PLCH1: variants seen among roughly 807,000 people sequenced by gnomAD.
PLCH1 encodes the protein 1-phosphatidylinositol 4,5-bisphosphate phosphodiesterase eta-1.
A neutral mutation model predicts 126.7 loss-of-function variants in PLCH1; 60 were observed. That is an observed-to-expected ratio of 0.47 (90% CI 0.38 to 0.59). The LOEUF (loss-of-function observed/expected upper bound fraction) is 0.59, where lower values mean the gene tolerates loss of function less well. Among genes scored for constraint, PLCH1 ranks in the 20% least tolerant of loss-of-function variants. The probability of loss-of-function intolerance (pLI) is 0.00; values close to 1 mark genes in which losing one functional copy is unlikely to be tolerated. For synonymous variants in PLCH1, 719 were observed against 734.9 expected, an observed-to-expected ratio of 0.98 and a Z score of 0.35; for missense variants, 1,723 against 2,040.0, an observed-to-expected ratio of 0.84 and a Z score of 2.99.
Position 155,602,882 on chromosome 3 carries a change from T to C in PLCH1, c.80-6504A>G, listed in dbSNP as rs145257832. Among the ~76,000 whole-genome samples, 776 of 152,334 alleles carry C rather than the reference T, an allele frequency of 5.1e-3. 8 individuals are homozygous for C. The highest frequency in any genetic ancestry group is 0.018 in the African/African-American group (737 of 41,568). On this transcript the variant is annotated intron_variant, in intron 2 of 22. Coordinates refer to ENST00000460012, the MANE Select transcript of PLCH1 (RefSeq NM_014996.4). ...ATATTTGCATGTTTGTGTATATGTG[T>C]ATGTTTTTATATACCTGCATATATT...
intron 11 of PLCH1, among the ~76,000 whole-genome samples, chr3:155,521,866 G>A (rs147796748): frequency 1.0e-3 from 156 of 152,156 alleles, no homozygotes; most frequent in African/African-American, 3.6e-3. Flanking sequence ...TACAGTTAAG[G>A]TGCTCTACTT....
At chr3:155,585,302 T>C (rs777014166) in intron 5 of PLCH1, among the ~76,000 whole-genome samples, 17 of 152,162 alleles carry the variant, frequency 1.1e-4, no homozygotes, top group African/African-American at 3.9e-4. Flanking sequence ...TGCCCTCCTA[T>C]GCTTATTTTT....
intron 2 of PLCH1, among the ~76,000 whole-genome samples, chr3:155,616,111 C>G (rs567948412): frequency 6.6e-6 from 1 of 152,008 alleles, no homozygotes; most frequent in Non-Finnish European, 1.5e-5. Flanking sequence ...AGAAAGAGTC[C>G]GACATTATCT....
At chr3:155,512,857 G>A (rs895209416) in intron 12 of PLCH1, among the ~76,000 whole-genome samples, 3 of 152,206 alleles carry the variant, frequency 2.0e-5, no homozygotes, top group African/African-American at 7.2e-5. Context: ...TATGGCAGTG[G>A]TGTGAATGAG....
chr3:155,465,813 C>T (rs1712908194), intron 21 of PLCH1, among the ~76,000 whole-genome samples: 1 of 152,054 alleles, frequency 6.6e-6, no homozygotes, highest in Non-Finnish European at 1.5e-5. Context: ...AGAGACCCTT[C>T]GGGCTTAAGG....
intron 14 of PLCH1, among the ~76,000 whole-genome samples, chr3:155,498,095 T>A (rs1717336699): frequency 6.6e-6 from 1 of 152,194 alleles, no homozygotes; most frequent in African/African-American, 2.4e-5. Context: ...TGGACATGAG[T>A]CATCCCTTTG....
At chr3:155,614,260 A>C (rs1016357644) in intron 2 of PLCH1, among the ~76,000 whole-genome samples, 1 of 152,218 alleles carries the variant, frequency 6.6e-6, no homozygotes, top group South Asian at 2.1e-4. Flanking sequence ...GCCCATCAAA[A>C]TACCATCATT....
intron 21 of PLCH1, among the ~76,000 whole-genome samples, chr3:155,465,040 T>C (rs4680183): frequency 0.43 from 62,560 of 146,832 alleles, 17,307 homozygotes; most frequent in African/African-American, 0.8. Flanking sequence ...ACCTGGGAGG[T>C]GGAGCTTGCA....
At chr3:155,617,825 T>C (rs947160819) in intron 2 of PLCH1, among the ~76,000 whole-genome samples, 2 of 152,180 alleles carry the variant, frequency 1.3e-5, no homozygotes, top group Non-Finnish European at 1.5e-5. Flanking sequence ...ACCCAGTCCC[T>C]GTACAGGAGT....
rs2108006072 is a variant in PLCH1 at position 155,481,872 on chromosome 3, T to C, written c.4154A>G (p.Asn1385Ser). 6.2e-7 allele frequency: 1 copy of C among 1,614,120 alleles called. No individual in the cohort carries two copies. The highest frequency in any genetic ancestry group is 8.5e-7 in the Non-Finnish European group (1 of 1,179,994). ...QLASPLKLKY[N>S]QGVVEHFQRG... ...TTGAAAGTGTTCTACCACACCCTGA[T>C]TGTACTTGAGTTTTAAAGGAGAAGC... Residue 1385 changes from asparagine (N) to serine (S), a missense_variant, in exon 23 of 23, where the codon AAT (asparagine) becomes AGT (serine). Asn to Ser is a conservative substitution (Grantham distance 46, BLOSUM62 1). This residue lies in a region of PLCH1 where 947 missense variants were observed against 977.1 expected (regional missense o/e 0.97). Transcript: ENST00000460012. This position sits in a 1 kb window ranked among gnomAD's most constrained non-coding sequence, Gnocchi z 4.2.
At chr3:155,530,501 T>C (rs1270450450) in intron 10 of PLCH1, among the ~76,000 whole-genome samples, 2 of 152,108 alleles carry the variant, frequency 1.3e-5, no homozygotes, top group Non-Finnish European at 2.9e-5. Context: ...GTATTTTTAG[T>C]AGAGACGGGG....
At chr3:155,471,706 A>T (rs1300698863) in intron 21 of PLCH1, among the ~76,000 whole-genome samples, 4 of 150,854 alleles carry the variant, frequency 2.7e-5, no homozygotes, top group Non-Finnish European at 5.9e-5. Flanking sequence ...ATGTAAAAGA[A>T]CAGAAATTAT....
rs1015608169 is a variant in PLCH1, at chr3:155,539,879, G to GA, written c.1362+9907dup. Among the ~76,000 whole-genome samples, 12 of 151,554 alleles carry GA rather than the reference G, an allele frequency of 7.9e-5. No homozygotes were observed. In the East Asian group the frequency reaches 1.4e-3, roughly 17 times the overall value. On this transcript the variant is annotated intron_variant, in intron 10 of 22. Transcript: ENST00000460012. Reference sequence around the variant, plus strand: ...ACCATCATCATTCCTCACAAAACTGGAAAAAAAATCCTAAAATTCATATGG... The same window carrying GA: ...ACCATCATCATTCCTCACAAAACTGGAAAAAAAAATCCTAAAATTCATATGG...
chr3:155,690,013 A>T (rs531538754), intron 2 of PLCH1, among the ~76,000 whole-genome samples: 1 of 152,104 alleles, frequency 6.6e-6, no homozygotes, highest in Non-Finnish European at 1.5e-5. Context: ...GGATGAAGAA[A>T]GGATCCTAAA....
chr3:155,723,788 T>C (rs1748121506), intron 1 of PLCH1, among the ~76,000 whole-genome samples: 1 of 152,004 alleles, frequency 6.6e-6, no homozygotes, highest in Non-Finnish European at 1.5e-5. Flanking sequence ...ACCCTGGCTC[T>C]ACTAAAAACA....
At chr3:155,569,615 T>C (rs1288648580) in intron 6 of PLCH1, among the ~76,000 whole-genome samples, 1 of 152,196 alleles carries the variant, frequency 6.6e-6, no homozygotes, top group Non-Finnish European at 1.5e-5. Flanking sequence ...AGGCAGGCTT[T>C]GAGCAGCTCA....
intron 2 of PLCH1, among the ~76,000 whole-genome samples, chr3:155,691,434 C>T (rs1577326324): frequency 6.6e-6 from 1 of 152,300 alleles, no homozygotes; most frequent in East Asian, 1.9e-4. Context: ...CCTTAAGATC[C>T]TATATGCAAA....
In PLCH1 at chr3:155,586,225, T is replaced by C. The variant is rs1731353733; in HGVS notation, c.471-31A>G. 2.5e-6 allele frequency: 4 copies of C among 1,608,208 alleles called. No homozygotes were observed. The East Asian group carries it at 8.9e-5, about 36-fold the overall frequency. ...GAAAGGTCAAAGAAAACACCTGTGC[T>C]CTCATCAAAATTAAAAACTGCTCTC... On this transcript the variant is annotated intron_variant, in intron 4 of 22. Transcript: ENST00000460012.
chr3:155,492,696 A>C (rs1354074797), intron 18 of PLCH1, 33 bp downstream of exon 18: 1 of 1,508,132 alleles, frequency 6.6e-7, no homozygotes, highest in South Asian at 1.4e-5. Flanking sequence ...TCACATAATT[A>C]ACCACTTAGA....
Sources: allele counts gnomAD v4.1 joint callset (sites outside exome capture counted in the v4.1 genomes callset), GRCh38; gene constraint gnomAD v4.1.1; regional missense constraint gnomAD v4.1.1; non-coding constraint Gnocchi (gnomAD v3.1); transcripts MANE v1.5; gene names NCBI Gene and HGNC (gene_info 2026-07-23, HGNC 2026-07-21).